Variants in TNFRSF13B observed in about 807,000 individuals in gnomAD.
TNFRSF13B encodes tumor necrosis factor receptor superfamily member 13B.
A neutral mutation model predicts 24.0 loss-of-function variants in TNFRSF13B; 34 were observed. The ratio of observed to expected loss-of-function variants is 1.41; its 90% CI spans 1.08 to 1.88. The LOEUF (loss-of-function observed/expected upper bound fraction) is 1.88, where lower values mean the gene tolerates loss of function less well. Ranked by LOEUF, TNFRSF13B falls within the 40% of genes most tolerant of loss-of-function variation. TNFRSF13B has a pLI of 0.00. For missense variants in TNFRSF13B, 415 were observed against 380.8 expected (o/e 1.09, Z -0.75); for synonymous variants, 173 against 150.3 (o/e 1.15, Z -1.10).
At chr17:16,952,403 AG>A (rs1462245511) in intron 2 of TNFRSF13B, 42 bp downstream of exon 2, 12 of 1,613,146 alleles carry the variant, frequency 7.4e-6, no homozygotes, top group Non-Finnish European at 1.0e-5. Context: ...AGAAAGGAGG[AG>A]GGTGATCACA....
chr17:16,966,180 G>C (rs552159418), intron 1 of TNFRSF13B, among the ~76,000 whole-genome samples: 1 of 151,730 alleles, frequency 6.6e-6, no homozygotes, highest in African/African-American at 2.4e-5. Flanking sequence ...CTCGAACCCA[G>C]TTGGGGGAAG....
At chr17:16,946,588 ATTTATTTATTT>A (rs2087550627) in intron 3 of TNFRSF13B, among the ~76,000 whole-genome samples, 1 of 116,982 alleles carries the variant, frequency 8.5e-6, no homozygotes, top group Admixed American at 9.3e-5. Flanking sequence ...TTATTTATTT[ATTTATTTATTT>A]TTTTTTGAGA....
rs986325158 is a variant in TNFRSF13B, at chr17:16,939,641, G to A, written c.788C>T (p.Thr263Ile). The change falls in exon 5 of 5, where the codon ACC becomes ATC. Residue 263 changes from threonine to isoleucine, a missense_variant. By Grantham distance (89) the Thr-to-Ile change is moderately conservative (BLOSUM62 -1). Coordinates refer to ENST00000261652, the MANE Select transcript of TNFRSF13B (RefSeq NM_012452.3). Reference sequence around the variant, plus strand: ...GCAAGGCTGCAGGACTGTGGTCCTGGTGTGGCACCCCCACCTTCCAGCACA... The same window carrying A: ...GCAAGGCTGCAGGACTGTGGTCCTGATGTGGCACCCCCACCTTCCAGCACA... ...PTCAGRWGCH[T>I]RTTVLQPCPH... The A allele has an allele frequency of 1.2e-6, 2 of 1,612,942 alleles. No homozygotes were observed. Among genetic ancestry groups the A allele is most frequent in the East Asian group, 4.5e-5 (2 of 44,864 alleles).
chr17:16,966,253 C>CAA (rs894863885), intron 1 of TNFRSF13B, among the ~76,000 whole-genome samples: 3 of 127,518 alleles, frequency 2.4e-5, no homozygotes, highest in South Asian at 2.8e-4. Flanking sequence ...GACTCCATCT[C>CAA]AAAAAAAAAA....
At chr17:16,941,173 A>G in intron 3 of TNFRSF13B, 1 of 958,028 alleles carries the variant, frequency 1.0e-6, no homozygotes, top group South Asian at 4.8e-5. Context: ...AGATGCAACT[A>G]TCCCCTATCT....
At chr17:16,968,159 A>AAAAAG (rs2087719024) in intron 1 of TNFRSF13B, among the ~76,000 whole-genome samples, 11 of 150,430 alleles carry the variant, frequency 7.3e-5, no homozygotes, top group African/African-American at 2.7e-4. Flanking sequence ...AAAAAAAAGA[A>AAAAAG]AAAAGAAAGG....
intron 1 of TNFRSF13B, among the ~76,000 whole-genome samples, chr17:16,962,967 C>T (rs11078361): frequency 0.12 from 18,956 of 152,138 alleles, 1,283 homozygotes; most frequent in East Asian, 0.22. Flanking sequence ...CAAGGACCAG[C>T]AGGGGGAGTG....
At chr17:16,951,813 G>A (rs572318995) in intron 2 of TNFRSF13B, among the ~76,000 whole-genome samples, 4 of 152,174 alleles carry the variant, frequency 2.6e-5, no homozygotes, top group East Asian at 1.9e-4. Flanking sequence ...ACTTGAACCC[G>A]GGCGGTGGAG....
Position 16,941,165 on chromosome 17 carries a change from A to T in TNFRSF13B, c.446-654T>A, listed in dbSNP as rs772049922. 2.5e-5 allele frequency: 24 copies of T among 945,768 alleles called. 1 individual carries two copies. The East Asian group carries it at 2.0e-3, about 77-fold the overall frequency. The allele number at this position is 945,768 out of a possible 1,614,324, so 58.6% of individuals were successfully genotyped here. On this transcript the variant is annotated intron_variant, in intron 3 of 4. Transcript: ENST00000261652. Reference sequence around the variant, plus strand: ...AAATGGCTGCAGAGGTTCAGTACAGATGCAACTATCCCCTATCTTTTCTGA... The same window carrying T: ...AAATGGCTGCAGAGGTTCAGTACAGTTGCAACTATCCCCTATCTTTTCTGA...
At chr17:16,952,726 G>A in intron 1 of TNFRSF13B, 143 bp from the exon 2 acceptor site, 1 of 1,320,512 alleles carries the variant, frequency 7.6e-7, no homozygotes, top group Non-Finnish European at 1.1e-6. Flanking sequence ...AGACAAAGTT[G>A]GCTTCTAGCC....
intron 4 of TNFRSF13B, 145 bp downstream of exon 4, chr17:16,940,181 T>G: frequency 6.4e-7 from 1 of 1,555,580 alleles, no homozygotes; most frequent in Admixed American, 1.8e-5. Flanking sequence ...TGTCTTAACC[T>G]GATTTTATCA....
intron 2 of TNFRSF13B, 132 bp from the exon 3 acceptor site, chr17:16,949,115 A>G (rs978065148): frequency 8.2e-7 from 1 of 1,221,524 alleles, no homozygotes; most frequent in African/African-American, 1.5e-5. Context: ...GAGTAAGCCA[A>G]GTACTTTTAC....
At chr17:16,969,177 C>G (rs1447492708) in intron 1 of TNFRSF13B, among the ~76,000 whole-genome samples, 1 of 152,170 alleles carries the variant, frequency 6.6e-6, no homozygotes, top group African/African-American at 2.4e-5. Context: ...TCATATGACC[C>G]AGCAATTCCA....
chr17:16,950,150 T>G (rs187900202), intron 2 of TNFRSF13B, among the ~76,000 whole-genome samples: 174 of 152,324 alleles, frequency 1.1e-3, no homozygotes, highest in African/African-American at 4.0e-3. Flanking sequence ...ACACATATAT[T>G]TTAAGGACAC....
chr17:16,951,813 G>C lies in TNFRSF13B; in HGVS notation c.199+633C>G, dbSNP rs572318995. ...TGAGGAGGGAGAATCACTTGAACCC[G>C]GGCGGTGGAGGTTGCGGTGAGCCAA... On this transcript the variant is annotated intron_variant, in intron 2 of 4. Coordinates refer to ENST00000261652, the MANE Select transcript of TNFRSF13B (RefSeq NM_012452.3). Among the ~76,000 whole-genome samples the C allele has an allele frequency of 3.3e-5, 5 of 152,292 alleles. No homozygotes were observed. The East Asian group carries it at 7.7e-4, about 23-fold the overall frequency.
At chr17:16,940,290 G>A in intron 4 of TNFRSF13B, 36 bp downstream of exon 4, 1 of 1,611,996 alleles carries the variant, frequency 6.2e-7, no homozygotes, top group Non-Finnish European at 8.5e-7. Flanking sequence ...CACCCAAGCA[G>A]CGAGAAGGGC....
intron 3 of TNFRSF13B, among the ~76,000 whole-genome samples, chr17:16,945,015 G>T (rs2087537385): frequency 6.6e-6 from 1 of 152,104 alleles, no homozygotes; most frequent in African/African-American, 2.4e-5. Context: ...CTCCCCTCCT[G>T]CCCCACCAGC....
chr17:16,951,116 G>GTTCA (rs1169054522), intron 2 of TNFRSF13B, among the ~76,000 whole-genome samples: 1 of 152,228 alleles, frequency 6.6e-6, no homozygotes, highest in African/African-American at 2.4e-5. Flanking sequence ...ATGGGTAGTG[G>GTTCA]TTCAGGTCAT....
At chr17:16,965,369 A>T (rs550092910) in intron 1 of TNFRSF13B, among the ~76,000 whole-genome samples, 2 of 152,282 alleles carry the variant, frequency 1.3e-5, no homozygotes, top group South Asian at 4.2e-4. Flanking sequence ...CTGCTGGGTG[A>T]CATTTCTTGT....
Sources: allele counts gnomAD v4.1 joint callset (sites outside exome capture counted in the v4.1 genomes callset), GRCh38; gene constraint gnomAD v4.1.1; transcripts MANE v1.5; gene names NCBI Gene and HGNC (gene_info 2026-07-23, HGNC 2026-07-21).